CRYBG3: variants seen among roughly 807,000 people sequenced by gnomAD.
The protein encoded by CRYBG3 is crystallin beta-gamma domain containing 3.
A neutral mutation model predicts 244.2 loss-of-function variants in CRYBG3; 127 were observed. The observed-to-expected ratio is 0.52, with a 90% CI of 0.45 to 0.60. The LOEUF (loss-of-function observed/expected upper bound fraction) is 0.60, where lower values mean the gene tolerates loss of function less well. Among genes scored for constraint, CRYBG3 ranks in the 20% least tolerant of loss-of-function variants. The probability of loss-of-function intolerance (pLI) is 0.00; values close to 1 mark genes in which losing one functional copy is unlikely to be tolerated. For missense variants in CRYBG3, 3,325 were observed against 3,442.5 expected (o/e 0.97, Z 0.85); for synonymous variants, 1,132 against 1,195.8 (o/e 0.95, Z 1.10).
In CRYBG3 at chr3:97,877,644, AGAG is replaced by A. The variant is rs764797513; in HGVS notation, c.6461_6463del (p.Glu2154del). On this transcript the variant is annotated inframe_deletion, in exon 4 of 22. Coordinates refer to ENST00000389622, the MANE Select transcript of CRYBG3 (RefSeq NM_153605.4). ...ACAGAGAGGCAGCTGATGAGGAAGA[AGAG>A]GAGGAGGAGGCAGCAGTATTGCATA... 1.1e-5 allele frequency: 18 copies of A among 1,614,040 alleles called. No individual in the cohort carries two copies. Among genetic ancestry groups the A allele is most frequent in the East Asian group, 1.1e-4 (5 of 44,898 alleles).
chr3:97,851,750 A>G lies in CRYBG3; in HGVS notation c.216+8489A>G, dbSNP rs1481744719. 3.9e-5 allele frequency among the ~76,000 whole-genome samples: 6 copies of G among 152,334 alleles called. No homozygotes were observed. In the East Asian group the frequency reaches 7.7e-4, roughly 20 times the overall value. ...TATATCCACCAAGACCTTGAAGGCA[A>G]TGCCAGGGGGCTTGGATTTTATCCT... On this transcript the variant is annotated intron_variant, in intron 2 of 21. Transcript: ENST00000389622.
intron 1 of CRYBG3, among the ~76,000 whole-genome samples, chr3:97,838,126 A>G (rs919828932): frequency 6.6e-6 from 1 of 152,106 alleles, no homozygotes; most frequent in African/African-American, 2.4e-5. Flanking sequence ...ATGGACTGAA[A>G]AAAGGGGATT....
At position 97,879,717 on chromosome 3, in the gene CRYBG3, A is replaced by T; in HGVS notation, c.6857A>T (p.Gln2286Leu). 6.2e-7 allele frequency: 1 copy of T among 1,604,068 alleles called. No individual in the cohort carries two copies. The highest frequency in any genetic ancestry group is 8.5e-7 in the Non-Finnish European group (1 of 1,175,616). The change falls in exon 5 of 22, where the codon CAA (glutamine) becomes CTA (leucine). Residue 2286 changes from glutamine (Q) to leucine (L), a missense_variant. Physicochemically the swap from Gln to Leu is moderately radical, Grantham distance 113. This residue lies in a region of CRYBG3 where 450 missense variants were observed against 424.1 expected (regional missense o/e 1.06). Transcript: ENST00000389622. ...LSPFIENVDK[Q>L]TLRCNPRPGK... is the part of the protein sequence containing the mutation. The stretch of plus-strand genomic sequence containing the variant: ...TTATTATTTCAGAATGTTGACAAAC[A>T]AACTCTGAGATGTAACCCAAGACCT...
chr3:97,937,047 T>C, intron 19 of CRYBG3, 139 bp downstream of exon 19: 2 of 903,402 alleles, frequency 2.2e-6, no homozygotes, highest in Non-Finnish European at 3.3e-6. Context: ...GATGCGGATA[T>C]CTTGTACATT....
intron 18 of CRYBG3, among the ~76,000 whole-genome samples, chr3:97,935,652 T>C (rs1235723687): frequency 6.6e-6 from 1 of 152,068 alleles, no homozygotes; most frequent in Non-Finnish European, 1.5e-5. Flanking sequence ...TATTGCACTT[T>C]GTGAATTTTA....
chr3:97,858,096 T>G (rs774145274), intron 2 of CRYBG3, among the ~76,000 whole-genome samples: 2 of 152,028 alleles, frequency 1.3e-5, no homozygotes, highest in Non-Finnish European at 2.9e-5. Flanking sequence ...CAGTTTTTGT[T>G]TGTCTGGAAG....
chr3:97,825,065 A>G (rs1349435353), intron 1 of CRYBG3, among the ~76,000 whole-genome samples: 1 of 152,200 alleles, frequency 6.6e-6, no homozygotes, highest in Non-Finnish European at 1.5e-5. Context: ...GGCATTCCAG[A>G]CTGAGCAAAG....
chr3:97,900,546 C>G lies in CRYBG3; in HGVS notation c.8004+61C>G, dbSNP rs918709873. 5 of 1,021,898 alleles carry G rather than the reference C, an allele frequency of 4.9e-6. No homozygotes were observed. The African/African-American group carries it at 8.0e-5, about 16-fold the overall frequency. 63.3% of individuals were successfully genotyped at this position (1,021,898 alleles called of 1,614,324 possible). A position where few individuals can be genotyped will look rare whatever the true frequency, so the allele number is the denominator to read the frequency against. ...TTTACTAAAAGCATTTATACCCTTT[C>G]TCTCAAATCTTTCTCTTTTCTGCAG... is the stretch of plus-strand genomic sequence containing the variant. On this transcript the variant is annotated intron_variant, in intron 15 of 21. Transcript: ENST00000389622.
At chr3:97,858,048 C>T (rs1428052905) in intron 2 of CRYBG3, among the ~76,000 whole-genome samples, 1 of 151,728 alleles carries the variant, frequency 6.6e-6, no homozygotes, top group African/African-American at 2.4e-5. Context: ...CACCCTTAAG[C>T]ATTTCTTTAA....
intron 1 of CRYBG3, among the ~76,000 whole-genome samples, chr3:97,829,349 T>C (rs996353205): frequency 1.3e-5 from 2 of 152,226 alleles, no homozygotes; most frequent in African/African-American, 4.8e-5. Flanking sequence ...TGGGTGGAGT[T>C]GACACTTGCA....
intron 21 of CRYBG3, 72 bp downstream of exon 21, chr3:97,942,515 T>TA: frequency 7.4e-7 from 1 of 1,349,620 alleles, no homozygotes; most frequent in Non-Finnish European, 1.0e-6. Flanking sequence ...TCATTTTGGG[T>TA]AAAGGACATC....
rs1159136817 is a variant in CRYBG3, at chr3:97,872,234, C to G, written c.1040C>G (p.Ser347Cys). The G allele has an allele frequency of 6.5e-7, 1 of 1,535,654 alleles. No homozygotes were observed. The highest frequency in any genetic ancestry group is 2.0e-5 in the Admixed American group (1 of 50,978). ...GGGAGTATTGAGAGAAATAGGTCAT[C>G]CCCTTCTTCTGTGACTAACTCCAGC... The part of the protein sequence containing the change: ...AWGSIERNRS[S>C]PSSVTNSSYD... The change falls in exon 4 of 22, where the codon TCC (serine) becomes TGC (cysteine). Residue 347 changes from serine to cysteine, a missense_variant. Physicochemically the swap from Ser to Cys is moderately radical, Grantham distance 112 (BLOSUM62 -1). Around this residue, in one of 4 missense-constraint regions of CRYBG3, gnomAD observed 1,526 missense variants for 1,443.2 expected, o/e 1.06. Coordinates refer to ENST00000389622, the MANE Select transcript of CRYBG3 (RefSeq NM_153605.4).
intron 17 of CRYBG3, among the ~76,000 whole-genome samples, chr3:97,921,276 A>G (rs1053826424): frequency 6.6e-6 from 1 of 152,126 alleles, no homozygotes; most frequent in Admixed American, 6.6e-5. Flanking sequence ...CTTTCTCTGC[A>G]TCTTAAGATG....
rs1379894867 is a variant in CRYBG3 at position 97,880,024 on chromosome 3, G to C, written c.6928G>C (p.Glu2310Gln). 4 of 1,598,298 alleles carry C rather than the reference G, an allele frequency of 2.5e-6. No homozygotes were observed. The South Asian group carries it at 4.5e-5, about 18-fold the overall frequency. Residue 2310 changes from glutamate to glutamine, a missense_variant, in exon 6 of 22, where the codon GAA becomes CAA. Glu to Gln is a conservative substitution (Grantham distance 29, BLOSUM62 2). Around this residue, in one of 4 missense-constraint regions of CRYBG3, gnomAD observed 714 missense variants for 803.6 expected, o/e 0.89. Coordinates refer to ENST00000389622, the MANE Select transcript of CRYBG3 (RefSeq NM_153605.4). ...TCTCCATGAAAGTACATATAAACAA[G>C]AAGTCTACTGTAATATTCCTGATGC... ...YDLHESTYKQ[E>Q]VYCNIPDATS... is the part of the protein sequence containing the mutation.
chr3:97,859,953 A>G (rs546522884), intron 2 of CRYBG3, among the ~76,000 whole-genome samples: 2 of 152,218 alleles, frequency 1.3e-5, no homozygotes, highest in African/African-American at 4.8e-5. Flanking sequence ...ATCTCTTTAT[A>G]CCATAGTCAC....
chr3:97,829,525 A>G (rs1308647034), intron 1 of CRYBG3, among the ~76,000 whole-genome samples: 1 of 152,180 alleles, frequency 6.6e-6, no homozygotes, highest in African/African-American at 2.4e-5. Context: ...GTACCAGCCA[A>G]AACTCCATGG....
chr3:97,867,178 G>C (rs2039243898), intron 3 of CRYBG3: 1 of 152,112 alleles, frequency 6.6e-6, no homozygotes, highest in African/African-American at 2.4e-5. Context: ...TTCTGGAATA[G>C]CAAAGAAGCA....
chr3:97,937,041 C>A, intron 19 of CRYBG3, 133 bp downstream of exon 19: 3 of 927,178 alleles, frequency 3.2e-6, no homozygotes, highest in Non-Finnish European at 4.8e-6. Flanking sequence ...AATTAGGATG[C>A]GGATATCTTG....
At chr3:97,922,019 A>G (rs2039989911) in intron 17 of CRYBG3, among the ~76,000 whole-genome samples, 1 of 152,184 alleles carries the variant, frequency 6.6e-6, no homozygotes, top group Admixed American at 6.6e-5. Flanking sequence ...TAAGACTGTG[A>G]TAACATAAAT....
Sources: gnomAD v4.1 joint callset for allele counts (sites outside exome capture counted in the v4.1 genomes callset) on GRCh38, gnomAD v4.1.1 for gene constraint, gnomAD v4.1.1 regional missense constraint, MANE v1.5 for transcripts, NCBI Gene and HGNC (gene_info 2026-07-23, HGNC 2026-07-21) for gene names.